The following CDC23 variants were observed in gnomAD, a reference collection of about 807,000 sequenced individuals.
CDC23 encodes the protein cell division cycle protein 23 homolog.
In CDC23, 26 loss-of-function variants were observed where a neutral mutation model predicts 81.7. The ratio of observed to expected loss-of-function variants is 0.32; its 90% CI spans 0.23 to 0.44. The LOEUF is 0.44. Among genes scored for constraint, CDC23 ranks in the 20% least tolerant of loss-of-function variants. CDC23 has a pLI of 1.00. For missense variants in CDC23, 519 were observed against 728.0 expected (o/e 0.71, Z 3.30); for synonymous variants, 267 against 270.8 (o/e 0.99, Z 0.14).
At position 138,191,927 on chromosome 5, in the gene CDC23, A is replaced by T. The variant is rs1445445967; in HGVS notation, c.1297T>A (p.Ser433Thr). Residue 433 changes from serine to threonine, a missense_variant, in exon 12 of 16, where the codon TCT (serine) becomes ACT (threonine). This residue lies in a region of CDC23 where 175 missense variants were observed against 337.8 expected (regional missense o/e 0.52). Transcript: ENST00000394886. Reference sequence around the variant, plus strand: ...TCTCCTAAAGCAACCAGCATGCGAGAATCATTGGGTCTGAGAAAGAAGAAC... The same window carrying T: ...TCTCCTAAAGCAACCAGCATGCGAGTATCATTGGGTCTGAGAAAGAAGAAC... Reference protein sequence around the residue: ...RRAHQLRPNDSRMLVALGECY... With the variant: ...RRAHQLRPNDTRMLVALGECY... 6.2e-7 allele frequency: 1 copy of T among 1,614,010 alleles called. No individual in the cohort carries two copies. Among genetic ancestry groups the T allele is most frequent in the Non-Finnish European group, 8.5e-7 (1 of 1,179,992 alleles).
chr5:138,212,925 C>T, intron 2 of CDC23, 66 bp downstream of exon 2: 1 of 1,324,334 alleles, frequency 7.6e-7, no homozygotes, highest in South Asian at 1.2e-5. Context: ...AGTGACAGGG[C>T]ACTCAGTGGC....
At chr5:138,192,803 GA>G in intron 9 of CDC23, 146 bp from the exon 10 acceptor site, 1 of 637,762 alleles carries the variant, frequency 1.6e-6, no homozygotes, top group Non-Finnish European at 2.7e-6. Context: ...GTACAAAAGG[GA>G]AATATTCCCT....
chr5:138,207,059 T>C (rs954045298), intron 2 of CDC23, among the ~76,000 whole-genome samples: 1 of 151,958 alleles, frequency 6.6e-6, no homozygotes, highest in African/African-American at 2.4e-5. Flanking sequence ...TTTGTATTTT[T>C]AGTAGTGATG....
In CDC23 at chr5:138,202,138, CTTCT is replaced by C; in HGVS notation, c.386_389del (p.Lys129ArgfsTer9). 6.2e-7 allele frequency: 1 copy of C among 1,611,312 alleles called. No homozygotes were observed. Among genetic ancestry groups the C allele is most frequent in the Non-Finnish European group, 8.5e-7 (1 of 1,178,640 alleles). On this transcript the variant is annotated frameshift_variant, in exon 4 of 16. Transcript: ENST00000394886. LOFTEE classifies it high-confidence loss of function. ...CTAAGCTATCAACTGTTTCATCGTC[CTTCT>C]TTTTTTCTCCAGACTGTAAGAGAAA...
chr5:138,191,384 T>C, intron 13 of CDC23, 90 bp downstream of exon 13: 1 of 1,023,532 alleles, frequency 9.8e-7, no homozygotes, highest in South Asian at 1.3e-5. Context: ...TGTAGAATGA[T>C]GGGTGTATGG....
At chr5:138,196,103 G>A (rs922690744) in intron 9 of CDC23, among the ~76,000 whole-genome samples, 1 of 150,962 alleles carries the variant, frequency 6.6e-6, no homozygotes, top group Non-Finnish European at 1.5e-5. Context: ...CATATCTAAT[G>A]TTCCCCGCTC....
intron 9 of CDC23, among the ~76,000 whole-genome samples, chr5:138,197,193 C>T (rs1230598960): frequency 2.7e-5 from 4 of 148,892 alleles, no homozygotes; most frequent in African/African-American, 1.0e-4. Flanking sequence ...GTAGTCCCAG[C>T]TACTCGGGAG....
chr5:138,210,381 C>G (rs1755101066), intron 2 of CDC23, among the ~76,000 whole-genome samples: 1 of 151,876 alleles, frequency 6.6e-6, no homozygotes, highest in Admixed American at 6.6e-5. Flanking sequence ...AAAAAATTAG[C>G]TGGGTGTGGT....
chr5:138,189,306 C>T (rs1754797543), intron 15 of CDC23, among the ~76,000 whole-genome samples, 158 bp from the exon 16 acceptor site: 1 of 151,336 alleles, frequency 6.6e-6, no homozygotes, highest in South Asian at 2.1e-4. Flanking sequence ...ACCCAGGCTA[C>T]AGTGCAGTGG....
Position 138,198,685 on chromosome 5 carries a change from T to C in CDC23, c.752A>G (p.Tyr251Cys). ...LQLIEEALQKYQNLIDVGFSK... is the reference protein window; with the variant it reads ...LQLIEEALQKCQNLIDVGFSK... ...GAAGCCCACATCAATGAGATTCTGA[T>C]ACTTTTGCAGGGCCTCCTCTATCAA... Residue 251 changes from tyrosine (Y) to cysteine (C), a missense_variant, in exon 7 of 16, where the codon TAT (tyrosine) becomes TGT (cysteine). By Grantham distance (194) the Tyr-to-Cys change is radical. Around this residue, in one of 4 missense-constraint regions of CDC23, gnomAD observed 180 missense variants for 239.3 expected, o/e 0.75. Transcript: ENST00000394886. 1.2e-6 allele frequency: 2 copies of C among 1,614,166 alleles called. No individual in the cohort carries two copies. Among genetic ancestry groups the C allele is most frequent in the South Asian group, 2.2e-5 (2 of 91,090 alleles).
At chr5:138,207,054 A>G (rs1027291977) in intron 2 of CDC23, among the ~76,000 whole-genome samples, 1 of 151,638 alleles carries the variant, frequency 6.6e-6, no homozygotes, top group Admixed American at 6.6e-5. Context: ...TAATTTTTGT[A>G]TTTTTAGTAG....
At position 138,213,256 on chromosome 5, in the gene CDC23, G is replaced by C. The variant is rs1655775631; in HGVS notation, c.57C>G (p.Val19=). 2 of 1,614,010 alleles carry C rather than the reference G, an allele frequency of 1.2e-6. No homozygotes were observed. The highest frequency in any genetic ancestry group is 1.7e-5 in the Admixed American group (1 of 59,994). Residue 19 remains valine (V), a synonymous_variant, in exon 1 of 16, where the codon GTC becomes GTG. Transcript: ENST00000394886. ...PVAVTAAVAP[V]LSINSDFSDL... is the part of the protein sequence containing the mutation. ...CTGAGAAATCGCTGTTTATGGACAG[G>C]ACAGGCGCCACTGCCGCCGTCACAG...
intron 14 of CDC23, 28 bp downstream of exon 14, chr5:138,189,800 A>C (rs1311616672): frequency 6.2e-7 from 1 of 1,613,748 alleles, no homozygotes; most frequent in South Asian, 1.1e-5. Context: ...TAATATCAGC[A>C]GTACAATTCT....
In CDC23 at chr5:138,202,105, A is replaced by T. The variant is rs750058498; in HGVS notation, c.415+8T>A. Reference sequence around the variant, plus strand: ...TTAGGTCAAAAGGTAAAAGAAAAAAATTCGTACCTAAGCTATCAACTGTTT... The same window carrying T: ...TTAGGTCAAAAGGTAAAAGAAAAAATTTCGTACCTAAGCTATCAACTGTTT... On this transcript the variant is annotated splice_region_variant and intron_variant, in intron 4 of 15. Coordinates refer to ENST00000394886, the MANE Select transcript of CDC23 (RefSeq NM_004661.4). The T allele has an allele frequency of 3.7e-6, 6 of 1,607,768 alleles. No individual in the cohort carries two copies. In the South Asian group the frequency reaches 6.7e-5, roughly 18 times the overall value.
chr5:138,208,574 G>A (rs1459797408), intron 2 of CDC23, among the ~76,000 whole-genome samples: 1 of 152,102 alleles, frequency 6.6e-6, no homozygotes, highest in Non-Finnish European at 1.5e-5. Flanking sequence ...GGATTATAAT[G>A]AAAAGCATTC....
At chr5:138,203,316 C>G (rs1336846075) in intron 3 of CDC23, among the ~76,000 whole-genome samples, 7 of 152,052 alleles carry the variant, frequency 4.6e-5, no homozygotes, top group Admixed American at 4.6e-4. Flanking sequence ...CACACTGGTG[C>G]AGGATACTGA....
intron 2 of CDC23, among the ~76,000 whole-genome samples, chr5:138,208,953 C>T (rs1174600650): frequency 6.6e-6 from 1 of 152,092 alleles, no homozygotes; most frequent in African/African-American, 2.4e-5. Context: ...CACCGCACCA[C>T]CATGTATTTC....
intron 3 of CDC23, among the ~76,000 whole-genome samples, chr5:138,205,169 T>A (rs17234772): frequency 1.3e-5 from 2 of 152,188 alleles, no homozygotes; most frequent in Admixed American, 1.3e-4. Flanking sequence ...GAACTTTATT[T>A]TATCCCAAAC....
chr5:138,206,147 G>T (rs146635108), intron 3 of CDC23: 182 of 248,266 alleles, frequency 7.3e-4, no homozygotes, highest in African/African-American at 3.9e-3. Flanking sequence ...TGGTTTACTT[G>T]CATTGTCCTT....
Sources: allele counts gnomAD v4.1 joint callset (sites outside exome capture counted in the v4.1 genomes callset), GRCh38; gene constraint gnomAD v4.1.1; regional missense constraint gnomAD v4.1.1; transcripts MANE v1.5; gene names NCBI Gene and HGNC (gene_info 2026-07-23, HGNC 2026-07-21).